PTPRD: variants seen among roughly 807,000 people sequenced by gnomAD.
The protein encoded by PTPRD is receptor-type tyrosine-protein phosphatase delta.
A neutral mutation model predicts 214.5 loss-of-function variants in PTPRD; 34 were observed. That is an observed-to-expected ratio of 0.16 (90% CI 0.12 to 0.21). The LOEUF (loss-of-function observed/expected upper bound fraction) is 0.21, where lower values mean the gene tolerates loss of function less well. Ranked by LOEUF, PTPRD falls within the 10% of genes least tolerant of loss-of-function variation. The pLI is 1.00. For synonymous variants in PTPRD, 1,128 were observed against 845.7 expected (o/e 1.33, Z -5.79); for missense variants, 2,545 against 2,398.7 (o/e 1.06, Z -1.27).
intron 9 of PTPRD, 76 bp downstream of exon 9, chr9:9,397,373 T>C (rs916144229): frequency 6.6e-6 from 1 of 152,442 alleles, no homozygotes; most frequent in Non-Finnish European, 1.5e-5. Flanking sequence ...AAAGGTTTTA[T>C]AGGTAAAATA....
chr9:9,108,411 GC>G (rs1402422164), intron 10 of PTPRD, among the ~76,000 whole-genome samples: 9 of 152,126 alleles, frequency 5.9e-5, no homozygotes, highest in African/African-American at 2.2e-4. Flanking sequence ...GCTGTGCTAT[GC>G]TGCAATGAAA....
At chr9:9,467,297 A>T (rs1468027792) in intron 8 of PTPRD, among the ~76,000 whole-genome samples, 1 of 147,892 alleles carries the variant, frequency 6.8e-6, no homozygotes, top group Admixed American at 6.8e-5. Context: ...CTATCCTAGA[A>T]GTTGAACAGG....
chr9:8,634,147 A>T (rs1429975546), intron 13 of PTPRD, among the ~76,000 whole-genome samples: 1 of 151,946 alleles, frequency 6.6e-6, no homozygotes, highest in Admixed American at 6.6e-5. Context: ...CCTAAACACT[A>T]AGCCTGAATT....
At chr9:8,900,476 G>C (rs2098658748) in intron 11 of PTPRD, among the ~76,000 whole-genome samples, 3 of 152,108 alleles carry the variant, frequency 2.0e-5, no homozygotes, top group Admixed American at 6.6e-5. Context: ...GGAGTGAATG[G>C]TCCAAACTGT....
At chr9:8,975,073 G>T (rs531415598) in intron 11 of PTPRD, among the ~76,000 whole-genome samples, 72 of 144,880 alleles carry the variant, frequency 5.0e-4, no homozygotes, top group Non-Finnish European at 8.5e-4. Context: ...CTCCAGCCTG[G>T]GTGACAAGAG....
chr9:9,680,733 T>A (rs1000000359), intron 7 of PTPRD, among the ~76,000 whole-genome samples: 1 of 151,550 alleles, frequency 6.6e-6, no homozygotes, highest in African/African-American at 2.4e-5. Flanking sequence ...GGATGCAACT[T>A]CATAACTATT....
At chr9:8,369,412 T>A (rs2080875403) in intron 39 of PTPRD, among the ~76,000 whole-genome samples, 1 of 151,874 alleles carries the variant, frequency 6.6e-6, no homozygotes, top group Non-Finnish European at 1.5e-5. Flanking sequence ...TCAAAAAGTA[T>A]TATGAAGATT....
At chr9:10,483,720 A>G (rs1393449251) in intron 2 of PTPRD, among the ~76,000 whole-genome samples, 1 of 152,182 alleles carries the variant, frequency 6.6e-6, no homozygotes, top group Non-Finnish European at 1.5e-5. Flanking sequence ...TAAAACTGCA[A>G]TGAGATATCA....
chr9:8,717,333 T>G (rs925758634), intron 12 of PTPRD, among the ~76,000 whole-genome samples: 2 of 152,180 alleles, frequency 1.3e-5, no homozygotes, highest in African/African-American at 4.8e-5. Context: ...TGGCTGTCCC[T>G]TCTATGACTC....
In PTPRD at chr9:8,940,104, A is replaced by G. The variant is rs184044664; in HGVS notation, c.-104+78593T>C. Among the ~76,000 whole-genome samples, 237 of 151,644 alleles carry G rather than the reference A, an allele frequency of 1.6e-3. 2 individuals carry two copies. Among genetic ancestry groups the G allele is most frequent in the Middle Eastern group, 6.8e-3 (2 of 294 alleles). On this transcript the variant is annotated intron_variant, in intron 11 of 45. Transcript: ENST00000381196. ...GAAGACTTACATGCTTGTGAAGGCA[A>G]AGGTTTTCAGACTGTAGAATGTCCT...
At chr9:9,994,651 G>C (rs891724495) in intron 4 of PTPRD, among the ~76,000 whole-genome samples, 5 of 152,014 alleles carry the variant, frequency 3.3e-5, no homozygotes, top group African/African-American at 1.2e-4. Context: ...GAGAAAGTGG[G>C]GATATATATG....
chr9:8,817,762 G>A (rs1267822214), intron 11 of PTPRD, among the ~76,000 whole-genome samples: 2 of 152,216 alleles, frequency 1.3e-5, no homozygotes, highest in Non-Finnish European at 2.9e-5. Context: ...TCTAGCCTCT[G>A]TCCTAACAAC....
intron 9 of PTPRD, among the ~76,000 whole-genome samples, chr9:9,231,142 T>C (rs2133851151): frequency 6.6e-6 from 1 of 152,270 alleles, no homozygotes; most frequent in East Asian, 1.9e-4. Context: ...GGCTTATATC[T>C]GCACTGTCTG....
At chr9:8,773,324 A>C (rs2095316709) in intron 11 of PTPRD, among the ~76,000 whole-genome samples, 1 of 152,132 alleles carries the variant, frequency 6.6e-6, no homozygotes, top group Non-Finnish European at 1.5e-5. Flanking sequence ...TAGCCTACCC[A>C]GACACTCGGC....
At chr9:8,569,876 T>C (rs2154229878) in intron 14 of PTPRD, among the ~76,000 whole-genome samples, 1 of 152,244 alleles carries the variant, frequency 6.6e-6, no homozygotes, top group African/African-American at 2.4e-5. Context: ...AACACAATAT[T>C]TGGATATTTT....
At chr9:10,248,704 C>T (rs1370375397) in intron 3 of PTPRD, among the ~76,000 whole-genome samples, 1 of 151,964 alleles carries the variant, frequency 6.6e-6, no homozygotes, top group African/African-American at 2.4e-5. Flanking sequence ...CTTTAGAATA[C>T]ACTTTTGGAC....
intron 3 of PTPRD, among the ~76,000 whole-genome samples, chr9:10,142,368 C>A (rs2098991827): frequency 6.6e-6 from 1 of 151,572 alleles, no homozygotes; most frequent in Admixed American, 6.6e-5. Context: ...TTTTCGCAAC[C>A]TACTCATCTG....
intron 7 of PTPRD, among the ~76,000 whole-genome samples, chr9:9,705,131 T>C (rs1004880689): frequency 6.6e-6 from 1 of 152,200 alleles, no homozygotes; most frequent in East Asian, 1.9e-4. Flanking sequence ...AAATTCATCC[T>C]ACATACTTGG....
chr9:8,515,469 T>C (rs893841781), intron 21 of PTPRD, among the ~76,000 whole-genome samples: 3 of 152,190 alleles, frequency 2.0e-5, no homozygotes. Flanking sequence ...GTTGACATCC[T>C]CATCCCCAGT....
Sources: gnomAD v4.1 joint callset for allele counts (sites outside exome capture counted in the v4.1 genomes callset) on GRCh38, gnomAD v4.1.1 for gene constraint, MANE v1.5 for transcripts, NCBI Gene and HGNC (gene_info 2026-07-23, HGNC 2026-07-21) for gene names.